Variants in DLG2 observed in about 807,000 individuals in gnomAD.
DLG2 encodes discs large MAGUK scaffold protein 2, also known as disks large homolog 2.
Under a neutral mutation model 132.5 loss-of-function variants are expected in DLG2, and 45 were observed. That is an observed-to-expected ratio of 0.34 (90% CI 0.27 to 0.44). DLG2 has a LOEUF of 0.44. Among genes scored for constraint, DLG2 ranks in the 20% least tolerant of loss-of-function variants. DLG2 has a pLI of 1.00. For synonymous variants in DLG2, 424 were observed against 419.6 expected (o/e 1.01, Z -0.13); for missense variants, 1,045 against 1,196.9 (o/e 0.87, Z 1.87).
intron 3 of DLG2, among the ~76,000 whole-genome samples, chr11:85,414,558 A>G (rs2089644555): frequency 6.6e-6 from 1 of 151,954 alleles, no homozygotes; most frequent in Non-Finnish European, 1.5e-5. Context: ...TGTTGAATAG[A>G]ATGTATATTC....
At chr11:84,457,558 AG>A (rs934294977) in intron 7 of DLG2, among the ~76,000 whole-genome samples, 2 of 151,014 alleles carry the variant, frequency 1.3e-5, no homozygotes, top group African/African-American at 4.8e-5. Flanking sequence ...GAAATACACC[AG>A]GGATTTTAGT....
intron 15 of DLG2, among the ~76,000 whole-genome samples, chr11:83,894,456 T>G (rs536500958): frequency 1.3e-5 from 2 of 152,210 alleles, no homozygotes; most frequent in Admixed American, 6.5e-5. Context: ...CAAAAATTTT[T>G]TAAAGATTTT....
chr11:84,813,452 A>G (rs182226567), intron 6 of DLG2, among the ~76,000 whole-genome samples: 1 of 152,286 alleles, frequency 6.6e-6, no homozygotes, highest in Non-Finnish European at 1.5e-5. Flanking sequence ...AGAAAATAAT[A>G]GCACTAACAT....
In DLG2 at chr11:84,019,324, T is replaced by A. The variant is rs79736520; in HGVS notation, c.920-38682A>T. 6.0e-3 allele frequency among the ~76,000 whole-genome samples: 921 copies of A among 152,232 alleles called. 9 individuals are homozygous for A. Among genetic ancestry groups the A allele is most frequent in the African/African-American group, 0.021 (882 of 41,532 alleles). ...GGTGATTCTAGAAGGCAGAGTTTTG[T>A]GACCTCAAGGTTATAAGTCCAAGTT... On this transcript the variant is annotated intron_variant, in intron 11 of 27. Transcript: ENST00000376104.
chr11:85,533,007 T>TTTGTTG (rs142405019), intron 3 of DLG2, among the ~76,000 whole-genome samples: 22,485 of 151,174 alleles, frequency 0.15, 2,042 homozygotes, highest in East Asian at 0.28. Context: ...CTAAGGTGTT[T>TTTGTTG]TTGTTGTTGT....
At chr11:83,686,017 A>G (rs1045093798) in intron 18 of DLG2, among the ~76,000 whole-genome samples, 7 of 151,172 alleles carry the variant, frequency 4.6e-5, no homozygotes, top group East Asian at 1.9e-4. Flanking sequence ...TCTTTTTTCC[A>G]TCTCCACCCT....
intron 6 of DLG2, among the ~76,000 whole-genome samples, chr11:84,591,667 A>G (rs1402925231): frequency 2.0e-5 from 3 of 151,946 alleles, no homozygotes; most frequent in Non-Finnish European, 2.9e-5. Flanking sequence ...TCTCAAAAAA[A>G]TTAAAAAAAT....
chr11:84,886,382 T>C (rs1483069357), intron 6 of DLG2, among the ~76,000 whole-genome samples: 1 of 152,090 alleles, frequency 6.6e-6, no homozygotes, highest in Non-Finnish European at 1.5e-5. Flanking sequence ...TGTCTACCAA[T>C]CTATTATGGC....
At chr11:84,026,038 T>C (rs1165008947) in intron 11 of DLG2, among the ~76,000 whole-genome samples, 2 of 151,938 alleles carry the variant, frequency 1.3e-5, no homozygotes, top group East Asian at 3.9e-4. Flanking sequence ...TTGAAATGAG[T>C]AGGCTGATTT....
At chr11:84,456,136 C>T (rs1361412705) in intron 7 of DLG2, among the ~76,000 whole-genome samples, 2 of 151,298 alleles carry the variant, frequency 1.3e-5, no homozygotes, top group Non-Finnish European at 3.0e-5. Context: ...GATAAGGCAA[C>T]TTACATTCCC....
At position 85,092,253 on chromosome 11, in the gene DLG2, A is replaced by G. The variant is rs1360395541; in HGVS notation, c.357+19408T>C. Reference sequence around the variant, plus strand: ...CTGAGCAGATTACAAAAGTGGGCTTAAAATATTCAGAAAACCAGGTTTTGG... The same window carrying G: ...CTGAGCAGATTACAAAAGTGGGCTTGAAATATTCAGAAAACCAGGTTTTGG... On this transcript the variant is annotated intron_variant, in intron 6 of 27. Transcript: ENST00000376104. 2.6e-5 allele frequency among the ~76,000 whole-genome samples: 4 copies of G among 152,300 alleles called. No homozygotes were observed. The South Asian group carries it at 6.2e-4, about 24-fold the overall frequency.
In DLG2 at chr11:83,459,886, G is replaced by C. The variant is rs1273370528; in HGVS notation, c.2860C>G (p.Gln954Glu). 6.2e-7 allele frequency: 1 copy of C among 1,609,574 alleles called. No homozygotes were observed. The highest frequency in any genetic ancestry group is 1.3e-5 in the African/African-American group (1 of 74,896). The change falls in exon 28 of 28, where the codon CAA (glutamine) becomes GAA (glutamate). Residue 954 changes from glutamine (Q) to glutamate (E), a missense_variant. By Grantham distance (29) the Gln-to-Glu change is conservative. This residue lies in a region of DLG2 where 398 missense variants were observed against 543.6 expected (regional missense o/e 0.73). Transcript: ENST00000376104. ...TGCTCTTCAATAACAAGCTTGCATT[G>C]GTTATATATATCTTCTAAAGTATCT... ...QGDTLEDIYN[Q>E]CKLVIEEQSG...
intron 7 of DLG2, among the ~76,000 whole-genome samples, chr11:84,430,345 A>C (rs1281092181): frequency 6.6e-6 from 1 of 151,658 alleles, no homozygotes; most frequent in African/African-American, 2.4e-5. Context: ...AGGCTGAGGC[A>C]GTAGAATTGC....
chr11:85,595,744 A>C (rs1347005540), intron 3 of DLG2, among the ~76,000 whole-genome samples: 1 of 152,220 alleles, frequency 6.6e-6, no homozygotes, highest in Admixed American at 6.5e-5. Flanking sequence ...CCATAAAAGC[A>C]ATGTATTTAA....
chr11:84,942,788 G>A (rs1327781771), intron 6 of DLG2, among the ~76,000 whole-genome samples: 1 of 152,042 alleles, frequency 6.6e-6, no homozygotes, highest in Non-Finnish European at 1.5e-5. Context: ...TTTTCTGTCT[G>A]GATGATCTGT....
intron 4 of DLG2, among the ~76,000 whole-genome samples, chr11:85,226,069 T>A (rs989012294): frequency 1.3e-5 from 2 of 151,952 alleles, no homozygotes; most frequent in Admixed American, 6.6e-5. Context: ...AATTTCAATC[T>A]CCAAAAATAT....
chr11:83,827,074 A>G (rs545787048), intron 17 of DLG2, among the ~76,000 whole-genome samples: 4 of 152,312 alleles, frequency 2.6e-5, no homozygotes, highest in African/African-American at 9.6e-5. Flanking sequence ...ACCGGGAACC[A>G]GAGCCAGAGA....
At chr11:85,065,571 T>C (rs1261919858) in intron 6 of DLG2, among the ~76,000 whole-genome samples, 4 of 151,306 alleles carry the variant, frequency 2.6e-5, no homozygotes, top group Middle Eastern at 3.4e-3. Context: ...AAAAATTTTT[T>C]TTATTATACT....
chr11:83,989,673 G>A (rs1043993037), intron 11 of DLG2, among the ~76,000 whole-genome samples: 5 of 152,098 alleles, frequency 3.3e-5, no homozygotes, highest in African/African-American at 4.8e-5. Flanking sequence ...AGAGTCAACC[G>A]TCCTGAGTTA....
Sources: gnomAD v4.1 joint callset for allele counts (sites outside exome capture counted in the v4.1 genomes callset) on GRCh38, gnomAD v4.1.1 for gene constraint, gnomAD v4.1.1 regional missense constraint, MANE v1.5 for transcripts, NCBI Gene and HGNC (gene_info 2026-07-23, HGNC 2026-07-21) for gene names.